The following CLSTN2 variants were observed in gnomAD, a reference collection of about 807,000 sequenced individuals.
CLSTN2 encodes the protein calsyntenin-2.
A neutral mutation model predicts 101.2 loss-of-function variants in CLSTN2; 48 were observed. The ratio of observed to expected loss-of-function variants is 0.47; its 90% confidence interval spans 0.38 to 0.60. The LOEUF (loss-of-function observed/expected upper bound fraction) is 0.60, where lower values mean the gene tolerates loss of function less well. CLSTN2 is among the 20% of genes least tolerant of loss of function. CLSTN2 has a pLI of 0.00. For missense variants in CLSTN2, 1,160 were observed against 1,238.2 expected (o/e 0.94, Z 0.95); for synonymous variants, 481 against 463.6 (o/e 1.04, Z -0.48).
intron 1 of CLSTN2, among the ~76,000 whole-genome samples, chr3:140,167,015 TCAGGCTATGGAA>T (rs970782400): frequency 3.3e-5 from 5 of 152,140 alleles, no homozygotes; most frequent in African/African-American, 1.2e-4. Context: ...GGAGGGAACA[TCAGGCTATGGAA>T]CAGATTAAAT....
At chr3:140,549,077 T>G (rs1935659678) in intron 10 of CLSTN2, among the ~76,000 whole-genome samples, 1 of 144,130 alleles carries the variant, frequency 6.9e-6, no homozygotes, top group Non-Finnish European at 1.5e-5. Flanking sequence ...TGTTGCTTCC[T>G]TAGGGTTTTG....
intron 8 of CLSTN2, among the ~76,000 whole-genome samples, chr3:140,492,564 C>T (rs988916893): frequency 2.6e-5 from 4 of 152,178 alleles, no homozygotes; most frequent in African/African-American, 9.7e-5. Context: ...CAAGGTGTCC[C>T]TTAACCTCTC....
chr3:140,310,445 GC>G (rs1387840335), intron 2 of CLSTN2, among the ~76,000 whole-genome samples: 2 of 152,092 alleles, frequency 1.3e-5, no homozygotes, highest in African/African-American at 4.8e-5. Context: ...TTCTGGAAAG[GC>G]ACCACCCGCT....
chr3:140,446,710 C>A (rs1933086505), intron 5 of CLSTN2, among the ~76,000 whole-genome samples: 1 of 152,168 alleles, frequency 6.6e-6, no homozygotes, highest in South Asian at 2.1e-4. Flanking sequence ...CAAAGCCAAG[C>A]CAAGATTGTT....
At chr3:140,387,654 A>G (rs2088067611) in intron 2 of CLSTN2, among the ~76,000 whole-genome samples, 1 of 152,234 alleles carries the variant, frequency 6.6e-6, no homozygotes, top group Admixed American at 6.5e-5. Context: ...GGTTACAGAA[A>G]AACATCACAC....
At chr3:140,364,616 G>GA (rs1160251183) in intron 2 of CLSTN2, among the ~76,000 whole-genome samples, 2 of 152,102 alleles carry the variant, frequency 1.3e-5, no homozygotes, top group Non-Finnish European at 2.9e-5. Flanking sequence ...AGCAGTTGGA[G>GA]AAAAAAGAGC....
intron 5 of CLSTN2, among the ~76,000 whole-genome samples, chr3:140,434,012 C>A (rs2088663050): frequency 6.6e-6 from 1 of 152,204 alleles, no homozygotes; most frequent in Non-Finnish European, 1.5e-5. Flanking sequence ...GGCTTCCTTC[C>A]TGCTCTCTGC....
chr3:140,074,026 C>T lies in CLSTN2; in HGVS notation c.110-101925C>T, dbSNP rs573248192. On this transcript the variant is annotated intron_variant, in intron 1 of 16. Coordinates refer to ENST00000458420, the MANE Select transcript of CLSTN2 (RefSeq NM_022131.3). ...GAGGCCCAGACACAGGTGCTGCTGC[C>T]TGGTGGTTTTCAGCCTGGCTACCCT... 5.9e-5 allele frequency among the ~76,000 whole-genome samples: 9 copies of T among 152,228 alleles called. No homozygotes were observed. The South Asian group carries it at 1.9e-3, about 32-fold the overall frequency.
At chr3:140,525,201 C>G (rs146882803) in intron 8 of CLSTN2, among the ~76,000 whole-genome samples, 1 of 152,220 alleles carries the variant, frequency 6.6e-6, no homozygotes, top group African/African-American at 2.4e-5. Flanking sequence ...TGAGCGCTAG[C>G]TAGATTAACA....
intron 1 of CLSTN2, among the ~76,000 whole-genome samples, chr3:140,137,381 T>C (rs1316593119): frequency 7.1e-6 from 1 of 141,548 alleles, no homozygotes; most frequent in Non-Finnish European, 1.6e-5. Context: ...ATCCTGAGCA[T>C]AGATCAAGGA....
intron 1 of CLSTN2, among the ~76,000 whole-genome samples, chr3:140,087,041 G>T (rs1361482667): frequency 6.6e-6 from 1 of 152,068 alleles, no homozygotes. Flanking sequence ...TTTGGATTCA[G>T]GTCATTGCTT....
chr3:140,126,423 G>A (rs893293161), intron 1 of CLSTN2, among the ~76,000 whole-genome samples: 7 of 152,114 alleles, frequency 4.6e-5, no homozygotes, highest in Non-Finnish European at 1.0e-4. Flanking sequence ...CTGACATGTA[G>A]TAAGTTAGCC....
intron 15 of CLSTN2, among the ~76,000 whole-genome samples, chr3:140,563,512 C>A (rs948427279): frequency 6.6e-6 from 1 of 152,162 alleles, no homozygotes; most frequent in Admixed American, 6.5e-5. Flanking sequence ...CACACACTCA[C>A]ACACACGTAC....
intron 1 of CLSTN2, among the ~76,000 whole-genome samples, chr3:140,161,752 GAGC>G (rs1217252086): frequency 6.6e-6 from 1 of 151,986 alleles, no homozygotes; most frequent in Non-Finnish European, 1.5e-5. Flanking sequence ...TTTCCTACCT[GAGC>G]AGCATGTGCT....
chr3:140,494,051 T>C (rs1270021102), intron 8 of CLSTN2, among the ~76,000 whole-genome samples: 3 of 152,176 alleles, frequency 2.0e-5, no homozygotes, highest in East Asian at 1.9e-4. Context: ...AAAAAATCTG[T>C]TTTTCTTTAA....
At chr3:140,131,109 C>A (rs1200700649) in intron 1 of CLSTN2, among the ~76,000 whole-genome samples, 1 of 151,826 alleles carries the variant, frequency 6.6e-6, no homozygotes, top group African/African-American at 2.4e-5. Context: ...GGATCTTAAC[C>A]ACTTTGTCCC....
At chr3:140,030,535 G>A (rs1432771957) in intron 1 of CLSTN2, among the ~76,000 whole-genome samples, 2 of 152,128 alleles carry the variant, frequency 1.3e-5, no homozygotes, top group Non-Finnish European at 2.9e-5. Flanking sequence ...TCACTAGGCA[G>A]GTGGTAGACT....
chr3:139,983,843 T>G (rs1399955322), intron 1 of CLSTN2, among the ~76,000 whole-genome samples: 4 of 152,204 alleles, frequency 2.6e-5, no homozygotes, highest in African/African-American at 9.6e-5. Flanking sequence ...CAATAGTATA[T>G]TATTAACTTT....
chr3:140,403,570 A>G lies in CLSTN2; in HGVS notation c.233-59A>G, dbSNP rs564213262. On this transcript the variant is annotated intron_variant, in intron 2 of 16. Transcript: ENST00000458420. ...TTTGTGAATCTGGTCCAATGGAAGCACTGTCTTCAGTCTGGCAATTCTCAG... is the reference window on the plus strand; with the variant it reads ...TTTGTGAATCTGGTCCAATGGAAGCGCTGTCTTCAGTCTGGCAATTCTCAG... 9 of 1,396,754 alleles carry G rather than the reference A, an allele frequency of 6.4e-6. No homozygotes were observed. In the South Asian group the frequency reaches 1.1e-4, roughly 16 times the overall value. The allele number at this position is 1,396,754 out of a possible 1,614,324, so 86.5% of individuals were successfully genotyped here. A position where few individuals can be genotyped will look rare whatever the true frequency, so the allele number is the denominator to read the frequency against.
Sources: allele counts gnomAD v4.1 joint callset (sites outside exome capture counted in the v4.1 genomes callset), GRCh38; gene constraint gnomAD v4.1.1; transcripts MANE v1.5; gene names NCBI Gene and HGNC (gene_info 2026-07-23, HGNC 2026-07-21).